Variants in PJA2 observed in about 807,000 individuals in gnomAD.
PJA2 encodes the protein praja ring finger ubiquitin ligase 2, also known as E3 ubiquitin-protein ligase Praja-2.
PJA2 carries 25 observed loss-of-function variants against 69.3 expected under a neutral mutation model. The observed-to-expected ratio is 0.36, with a 90% confidence interval of 0.26 to 0.50. The LOEUF is 0.50. Ranked by LOEUF, PJA2 falls within the 20% of genes least tolerant of loss-of-function variation. PJA2 has a pLI of 0.96. For synonymous variants in PJA2, 308 were observed against 277.8 expected (o/e 1.11, Z -1.08); for missense variants, 809 against 830.2 (o/e 0.97, Z 0.31).
At chr5:109,388,091 G>A (rs560575938) in intron 1 of PJA2, among the ~76,000 whole-genome samples, 1 of 152,274 alleles carries the variant, frequency 6.6e-6, no homozygotes, top group East Asian at 1.9e-4. Context: ...TGATGGATGT[G>A]ACTGTGTGTG....
At chr5:109,354,310 A>C (rs1762359206) in intron 7 of PJA2, among the ~76,000 whole-genome samples, 1 of 146,324 alleles carries the variant, frequency 6.8e-6, no homozygotes, top group Non-Finnish European at 1.5e-5. Context: ...AGAGATATCT[A>C]TAGATTAGAT....
chr5:109,390,724 A>G (rs185489593), intron 1 of PJA2: 144 of 151,978 alleles, frequency 9.5e-4, no homozygotes, highest in Middle Eastern at 3.4e-3. Flanking sequence ...CTTTTTTGAT[A>G]CATCCTTTAA....
At chr5:109,381,907 T>C (rs1342188490) in intron 2 of PJA2, among the ~76,000 whole-genome samples, 2 of 152,192 alleles carry the variant, frequency 1.3e-5, no homozygotes, top group African/African-American at 2.4e-5. Context: ...TAAGAGTTAG[T>C]GGCCTTTTCC....
At chr5:109,387,915 A>AT (rs929328114) in intron 1 of PJA2, among the ~76,000 whole-genome samples, 2 of 152,228 alleles carry the variant, frequency 1.3e-5, no homozygotes, top group African/African-American at 4.8e-5. Context: ...GAATGAATGA[A>AT]TGAGATAATT....
intron 7 of PJA2, among the ~76,000 whole-genome samples, chr5:109,353,226 AT>A: frequency 7.0e-6 from 1 of 142,670 alleles, no homozygotes; most frequent in African/African-American, 2.5e-5. Context: ...ATATCTATAT[AT>A]TAGATACCTA....
At chr5:109,346,111 G>C (rs1394504880) in intron 7 of PJA2, among the ~76,000 whole-genome samples, 1 of 152,172 alleles carries the variant, frequency 6.6e-6, no homozygotes, top group Non-Finnish European at 1.5e-5. Context: ...AGTGGTCCTA[G>C]ACTGCACGAG....
intron 1 of PJA2, among the ~76,000 whole-genome samples, chr5:109,402,387 T>C (rs1318685334): frequency 6.6e-6 from 1 of 152,156 alleles, no homozygotes; most frequent in African/African-American, 2.4e-5. Context: ...GGAGAGGCTG[T>C]ATTAATATTA....
chr5:109,354,673 T>G (rs756173950), intron 7 of PJA2, among the ~76,000 whole-genome samples: 65 of 147,002 alleles, frequency 4.4e-4, no homozygotes, highest in Non-Finnish European at 4.2e-4. Context: ...ATATACAATA[T>G]ATTAGAGATC....
intron 5 of PJA2, among the ~76,000 whole-genome samples, chr5:109,366,576 A>C (rs1408939056): frequency 6.6e-6 from 1 of 152,158 alleles, no homozygotes; most frequent in East Asian, 1.9e-4. Context: ...TCACTGTTTT[A>C]TTCCCTTCAC....
chr5:109,362,832 C>T lies in PJA2; in HGVS notation c.1652+8G>A, dbSNP rs780647662. 2.5e-6 allele frequency: 4 copies of T among 1,580,426 alleles called. No individual in the cohort carries two copies. In the East Asian group the frequency reaches 6.8e-5, roughly 27 times the overall value. Reference sequence around the variant, plus strand: ...AATTAAGCATCCTAATAAAATCGTGCTACATACCTCCAATCCACATCTAAG... The same window carrying T: ...AATTAAGCATCCTAATAAAATCGTGTTACATACCTCCAATCCACATCTAAG... On this transcript the variant is annotated splice_region_variant and intron_variant, in intron 6 of 9. Transcript: ENST00000361189.
At chr5:109,394,271 C>T (rs1406751254) in intron 1 of PJA2, among the ~76,000 whole-genome samples, 3 of 151,972 alleles carry the variant, frequency 2.0e-5, no homozygotes, top group African/African-American at 7.3e-5. Context: ...TGATCTCAAA[C>T]TCCTGACCTT....
At chr5:109,339,477 G>A (rs1304102062) in intron 9 of PJA2, among the ~76,000 whole-genome samples, 2 of 152,158 alleles carry the variant, frequency 1.3e-5, no homozygotes, top group African/African-American at 2.4e-5. Context: ...ACCTCTAAAG[G>A]AAGTAAGGAA....
intron 1 of PJA2, among the ~76,000 whole-genome samples, chr5:109,397,671 A>G (rs1260864810): frequency 6.6e-6 from 1 of 151,824 alleles, no homozygotes; most frequent in East Asian, 1.9e-4. Flanking sequence ...GGCACCCGCC[A>G]CTACGCCCAG....
chr5:109,341,833 C>A (rs1378790551), intron 9 of PJA2, among the ~76,000 whole-genome samples: 25 of 65,902 alleles, frequency 3.8e-4, no homozygotes, highest in South Asian at 6.4e-4. Flanking sequence ...GTGGGGGGGT[C>A]AGCCCCCCGC....
rs964515198 is a variant in PJA2 at position 109,409,020 on chromosome 5, T to C, written c.-88+822A>G. On this transcript the variant is annotated intron_variant, in intron 1 of 9. Transcript: ENST00000361189. ...GATGTAAATTTTTTTTTTTTTAATG[T>C]CCGGAGAAGGAACTCTCAGATTACT... 6.6e-5 allele frequency: 10 copies of C among 152,058 alleles called. No individual in the cohort carries two copies. In the East Asian group the frequency reaches 1.9e-3, roughly 29 times the overall value. 9.4% of individuals were successfully genotyped at this position (152,058 alleles called of 1,614,324 possible).
At chr5:109,396,457 C>T (rs1430810838) in intron 1 of PJA2, among the ~76,000 whole-genome samples, 2 of 125,486 alleles carry the variant, frequency 1.6e-5, no homozygotes, top group African/African-American at 3.0e-5. Context: ...GACAGAGTCT[C>T]ACTCTGTGGC....
chr5:109,376,964 C>T (rs1243632584), intron 4 of PJA2, among the ~76,000 whole-genome samples: 2 of 152,000 alleles, frequency 1.3e-5, no homozygotes, highest in East Asian at 1.9e-4. Context: ...TCAGGTCAGG[C>T]TTTGTGGCCA....
intron 8 of PJA2, 114 bp downstream of exon 8, chr5:109,344,591 A>T (rs1762142834): frequency 1.3e-6 from 1 of 776,392 alleles, no homozygotes. Flanking sequence ...GGTTTCTATA[A>T]AAAAAATCTA....
intron 7 of PJA2, among the ~76,000 whole-genome samples, chr5:109,355,068 A>T (rs1189577300): frequency 1.3e-5 from 2 of 152,112 alleles, no homozygotes; most frequent in African/African-American, 2.4e-5. Flanking sequence ...GGGCTGTAGT[A>T]AGCTATGACT....
Sources: allele counts gnomAD v4.1 joint callset (sites outside exome capture counted in the v4.1 genomes callset), GRCh38; gene constraint gnomAD v4.1.1; transcripts MANE v1.5; gene names NCBI Gene and HGNC (gene_info 2026-07-23, HGNC 2026-07-21).